The following PRKCH variants were observed in gnomAD, a reference collection of about 807,000 sequenced individuals.
The protein encoded by PRKCH is protein kinase C eta type.
In PRKCH, 28 loss-of-function variants were observed where a neutral mutation model predicts 82.5. The observed-to-expected ratio is 0.34, with a 90% CI of 0.25 to 0.47. The LOEUF is 0.47. PRKCH is among the 20% of genes least tolerant of loss of function. PRKCH has a pLI of 1.00. For missense variants in PRKCH, 705 were observed against 881.8 expected (o/e 0.80, Z 2.54); for synonymous variants, 322 against 327.4 (o/e 0.98, Z 0.18).
chr14:61,234,286 C>T (rs1210603003), intron 1 of PRKCH, among the ~76,000 whole-genome samples: 1 of 152,204 alleles, frequency 6.6e-6, no homozygotes, highest in African/African-American at 2.4e-5. Context: ...CTTGTTATTA[C>T]AGCCCTGGTC....
intron 1 of PRKCH, among the ~76,000 whole-genome samples, chr14:61,369,069 G>A (rs1264726453): frequency 1.3e-5 from 2 of 152,072 alleles, no homozygotes; most frequent in South Asian, 2.1e-4. Context: ...CCTGAAGAAC[G>A]TTATTAGAAC....
chr14:61,500,830 CAAG>C (rs1170703195), intron 10 of PRKCH, among the ~76,000 whole-genome samples: 1 of 151,874 alleles, frequency 6.6e-6, no homozygotes, highest in Non-Finnish European at 1.5e-5. Context: ...ATGGGGGAGA[CAAG>C]AAAATCACCT....
chr14:61,417,621 G>A (rs993606221), intron 2 of PRKCH, among the ~76,000 whole-genome samples: 1 of 152,096 alleles, frequency 6.6e-6, no homozygotes, highest in African/African-American at 2.4e-5. Context: ...CATATGTTAG[G>A]CTTATTTTTC....
At chr14:61,458,647 G>A (rs1381298119) in intron 9 of PRKCH, among the ~76,000 whole-genome samples, 12 of 152,120 alleles carry the variant, frequency 7.9e-5, no homozygotes. Context: ...ATGTTTAATT[G>A]ACTCACAGTT....
At chr14:61,535,525 G>C (rs184696645) in intron 12 of PRKCH, among the ~76,000 whole-genome samples, 1 of 152,294 alleles carries the variant, frequency 6.6e-6, no homozygotes, top group East Asian at 1.9e-4. Context: ...CATTTGAGTA[G>C]CTCAATGGCA....
chr14:61,216,143 G>T (rs563351255), intron 1 of PRKCH, among the ~76,000 whole-genome samples: 7 of 152,206 alleles, frequency 4.6e-5, no homozygotes, highest in African/African-American at 1.7e-4. Flanking sequence ...TTGCTGTCAG[G>T]TTGGTGAAAA....
rs917516370 is a variant in PRKCH at position 61,349,337 on chromosome 14, G to C, written c.363+26873G>C. Reference sequence around the variant, plus strand: ...CCAATCCTTAACATTTGTTATTCCAGTTTATCTTCCATCAGTCCTGTTGAG... The same window carrying C: ...CCAATCCTTAACATTTGTTATTCCACTTTATCTTCCATCAGTCCTGTTGAG... On this transcript the variant is annotated intron_variant, in intron 1 of 13. Coordinates refer to ENST00000332981, the MANE Select transcript of PRKCH (RefSeq NM_006255.5). Among the ~76,000 whole-genome samples the C allele has an allele frequency of 3.9e-5, 6 of 152,176 alleles. No homozygotes were observed. The South Asian group carries it at 8.3e-4, about 21-fold the overall frequency.
chr14:61,339,334 T>TG (rs1384875417), intron 1 of PRKCH, among the ~76,000 whole-genome samples: 1 of 151,244 alleles, frequency 6.6e-6, no homozygotes, highest in East Asian at 2.0e-4. Flanking sequence ...CTTTTTTTTT[T>TG]TTTTTCCGAG....
intron 10 of PRKCH, among the ~76,000 whole-genome samples, chr14:61,497,979 A>G (rs181806961): frequency 6.6e-6 from 1 of 152,186 alleles, no homozygotes; most frequent in East Asian, 1.9e-4. Context: ...TGTATTGAAC[A>G]AGTGTTGTCT....
At chr14:61,295,384 G>C (rs938701356) in intron 1 of PRKCH, among the ~76,000 whole-genome samples, 2 of 152,214 alleles carry the variant, frequency 1.3e-5, no homozygotes, top group African/African-American at 4.8e-5. Flanking sequence ...TCCCCTGGGA[G>C]AGTCACCAGG....
intron 9 of PRKCH, among the ~76,000 whole-genome samples, chr14:61,460,834 C>A (rs759416132): frequency 5.9e-5 from 9 of 152,202 alleles, no homozygotes; most frequent in Non-Finnish European, 1.0e-4. Flanking sequence ...GAAGTTCCAA[C>A]TTGCATTCCT....
chr14:61,489,153 G>T (rs1224337965), intron 10 of PRKCH, among the ~76,000 whole-genome samples: 1 of 152,178 alleles, frequency 6.6e-6, no homozygotes, highest in Non-Finnish European at 1.5e-5. Context: ...CAAGAGCCCA[G>T]TGAGAAACTT....
intron 9 of PRKCH, among the ~76,000 whole-genome samples, chr14:61,473,233 G>T (rs1197237897): frequency 4.6e-5 from 7 of 152,204 alleles, no homozygotes. Flanking sequence ...TTGGCGGCGG[G>T]GGTAGGGGGG....
chr14:61,300,020 A>G (rs1348969176), intron 1 of PRKCH, among the ~76,000 whole-genome samples: 1 of 152,168 alleles, frequency 6.6e-6, no homozygotes, highest in Non-Finnish European at 1.5e-5. Context: ...TCCTTTCCCC[A>G]TATGTAAGTT....
intron 10 of PRKCH, chr14:61,524,985 C>T (rs955243832): frequency 1.3e-5 from 2 of 152,182 alleles, no homozygotes; most frequent in Non-Finnish European, 2.9e-5. Flanking sequence ...ATAAGATAGG[C>T]TCTGAGTTGG....
At chr14:61,465,545 T>C (rs1885217479) in intron 9 of PRKCH, among the ~76,000 whole-genome samples, 1 of 152,232 alleles carries the variant, frequency 6.6e-6, no homozygotes, top group African/African-American at 2.4e-5. Flanking sequence ...AAGGTGTGGA[T>C]TTATTTCTGA....
chr14:61,295,329 T>C (rs2045397839), intron 1 of PRKCH, among the ~76,000 whole-genome samples: 2 of 152,330 alleles, frequency 1.3e-5, no homozygotes, highest in Admixed American at 6.5e-5. Context: ...TGGTTTCAGA[T>C]TGCCATGTTG....
intron 1 of PRKCH, among the ~76,000 whole-genome samples, chr14:61,202,752 T>C (rs2044492274): frequency 6.6e-6 from 1 of 152,204 alleles, no homozygotes; most frequent in Admixed American, 6.5e-5. Flanking sequence ...AAAAATCGTA[T>C]GGGAAGTATA....
rs868168007 is a variant in PRKCH, at chr14:61,445,656, A to T, written c.579-36A>T. 4.4e-6 allele frequency: 7 copies of T among 1,584,066 alleles called. No individual in the cohort carries two copies. The Middle Eastern group carries it at 6.7e-4, about 151-fold the overall frequency. ...GGACTATAAGAGGGTTATTGCTGAAATACTTGACTGATGGTAGTTTTCTTC... is the reference window on the plus strand; with the variant it reads ...GGACTATAAGAGGGTTATTGCTGAATTACTTGACTGATGGTAGTTTTCTTC... On this transcript the variant is annotated intron_variant, in intron 3 of 13. Coordinates refer to ENST00000332981, the MANE Select transcript of PRKCH (RefSeq NM_006255.5).
Sources: allele counts gnomAD v4.1 joint callset (sites outside exome capture counted in the v4.1 genomes callset), GRCh38; gene constraint gnomAD v4.1.1; transcripts MANE v1.5; gene names NCBI Gene and HGNC (gene_info 2026-07-23, HGNC 2026-07-21).